Variants in RFFL observed in about 807,000 individuals in gnomAD.
RFFL encodes the protein ring finger and FYVE like domain containing E3 ubiquitin protein ligase.
RFFL carries 16 observed loss-of-function variants against 40.4 expected under a neutral mutation model. The ratio of observed to expected loss-of-function variants is 0.40; its 90% CI spans 0.27 to 0.60. The LOEUF is 0.60. Ranked by LOEUF, RFFL falls within the 20% of genes least tolerant of loss-of-function variation. The probability of loss-of-function intolerance (pLI) is 0.47; values close to 1 mark genes in which losing one functional copy is unlikely to be tolerated. For synonymous variants in RFFL, 154 were observed against 167.9 expected (o/e 0.92, Z 0.64); for missense variants, 367 against 451.7 (o/e 0.81, Z 1.70).
chr17:35,023,055 C>T (rs1419409525), intron 2 of RFFL, among the ~76,000 whole-genome samples: 1 of 152,230 alleles, frequency 6.6e-6, no homozygotes, highest in African/African-American at 2.4e-5. Flanking sequence ...AAGAGCATGT[C>T]ACATCCCCAA....
chr17:35,008,664 C>T lies in RFFL; in HGVS notation c.*3304G>A, dbSNP rs1216704945. The T allele has an allele frequency of 1.3e-5, 2 of 152,100 alleles. No homozygotes were observed. The highest frequency in any genetic ancestry group is 2.9e-5 in the Non-Finnish European group (2 of 68,054). The allele number at this position is 152,100 out of a possible 1,614,324, so 9.4% of individuals were successfully genotyped here. ...TTTTGTTTTTTGAGACAGAGTCTCGCTCTTTCGCCCAGGCCGGACTGCAGT... is the reference window on the plus strand; with the variant it reads ...TTTTGTTTTTTGAGACAGAGTCTCGTTCTTTCGCCCAGGCCGGACTGCAGT... On this transcript the variant is annotated 3_prime_UTR_variant, in exon 7 of 7. Coordinates refer to ENST00000394597, the MANE Select transcript of RFFL (RefSeq NM_001017368.2).
intron 6 of RFFL, among the ~76,000 whole-genome samples, chr17:35,013,585 A>G (rs1183329024): frequency 6.6e-6 from 1 of 152,186 alleles, no homozygotes; most frequent in East Asian, 1.9e-4. Context: ...AAAGTCAAGA[A>G]ATACTTCCCC....
At chr17:35,017,406 T>G in intron 4 of RFFL, 117 bp downstream of exon 4, 1 of 701,970 alleles carries the variant, frequency 1.4e-6, no homozygotes. Context: ...AAAAATATAA[T>G]TTCGGAAGCA....
Position 35,026,455 on chromosome 17 carries a change from C to A in RFFL, c.99G>T (p.Gly33=). Residue 33 remains glycine, a synonymous_variant, in exon 2 of 7, where the codon GGG becomes GGT. Transcript: ENST00000394597. ...CTGTTGGGGAAGGGAAGGAGCTGTA[C>A]CCAGGGTTGGAATAGGCCTGCATCC... is the stretch of plus-strand genomic sequence containing the variant. The part of the protein sequence containing the change: ...GARMQAYSNP[G]YSSFPSPTGL... 4 of 1,613,854 alleles carry A rather than the reference C, an allele frequency of 2.5e-6. No homozygotes were observed. Among genetic ancestry groups the A allele is most frequent in the Non-Finnish European group, 3.4e-6 (4 of 1,179,888 alleles).
chr17:35,041,137 C>T (rs913986559), intron 1 of RFFL, among the ~76,000 whole-genome samples: 2 of 152,008 alleles, frequency 1.3e-5, no homozygotes, highest in Non-Finnish European at 2.9e-5. Flanking sequence ...AGAATAGAAA[C>T]CCCATGAGGG....
intron 1 of RFFL, among the ~76,000 whole-genome samples, chr17:35,034,692 A>C (rs1272796335): frequency 6.6e-6 from 1 of 151,778 alleles, no homozygotes; most frequent in Non-Finnish European, 1.5e-5. Flanking sequence ...CACCCAGCTT[A>C]TTTTTGTATT....
Position 35,062,127 on chromosome 17 carries a change from G to A in RFFL, c.-9+1449C>T, listed in dbSNP as rs147603434. On this transcript the variant is annotated intron_variant, in intron 1 of 6. Coordinates refer to ENST00000394597, the MANE Select transcript of RFFL (RefSeq NM_001017368.2). ...GAGCATAAAAAGAATGAACAAGGCCGGGCGCGGTGGCTCACACCTGTAAAC... is the reference window on the plus strand; with the variant it reads ...GAGCATAAAAAGAATGAACAAGGCCAGGCGCGGTGGCTCACACCTGTAAAC... Among the ~76,000 whole-genome samples, 753 of 152,162 alleles carry A rather than the reference G, an allele frequency of 4.9e-3. 5 individuals are homozygous for A. Among genetic ancestry groups the A allele is most frequent in the African/African-American group, 0.016 (662 of 41,504 alleles).
chr17:35,084,819 C>T (rs2091421368), intron 1 of RFFL, among the ~76,000 whole-genome samples: 1 of 151,528 alleles, frequency 6.6e-6, no homozygotes, highest in Admixed American at 6.6e-5. Flanking sequence ...TTGCTTGAAC[C>T]CAGGAGACAG....
In RFFL at chr17:35,010,059, G is replaced by C. The variant is rs923100236; in HGVS notation, c.*1909C>G. 4.6e-5 allele frequency: 7 copies of C among 152,480 alleles called. No individual in the cohort carries two copies. The highest frequency in any genetic ancestry group is 4.6e-4 in the Admixed American group (7 of 15,290). 9.4% of individuals were successfully genotyped at this position (152,480 alleles called of 1,614,324 possible). ...AGGACTTTGTATAACATTGAGGTAA[G>C]TGGCCCAGTGTTCAGTTGACTAGTT... On this transcript the variant is annotated 3_prime_UTR_variant, in exon 7 of 7. Coordinates refer to ENST00000394597, the MANE Select transcript of RFFL (RefSeq NM_001017368.2).
intron 1 of RFFL, among the ~76,000 whole-genome samples, chr17:35,055,782 T>A (rs2339122): frequency 0.37 from 56,129 of 151,698 alleles, 11,964 homozygotes; most frequent in Non-Finnish European, 0.47. Flanking sequence ...ACCATTTGCA[T>A]CCCTATTGTT....
chr17:35,059,282 G>C (rs781526932), intron 1 of RFFL, among the ~76,000 whole-genome samples: 2 of 152,074 alleles, frequency 1.3e-5, no homozygotes, highest in Non-Finnish European at 2.9e-5. Context: ...GCCTCCCAAA[G>C]TGCTGAGATT....
chr17:35,022,860 GCA>G (rs1042902117), intron 2 of RFFL, among the ~76,000 whole-genome samples: 2 of 152,248 alleles, frequency 1.3e-5, no homozygotes, highest in African/African-American at 4.8e-5. Context: ...GTTCCTGAAA[GCA>G]CAGAGTGTCT....
chr17:35,016,540 G>A lies in RFFL; in HGVS notation c.716C>T (p.Ala239Val), dbSNP rs2090974564. 1 of 1,614,008 alleles carries A rather than the reference G, an allele frequency of 6.2e-7. No individual in the cohort carries two copies. Among genetic ancestry groups the A allele is most frequent in the African/African-American group, 1.3e-5 (1 of 74,904 alleles). ...SEDSFVPGRR[A>V]SLSDLTDLED... Reference sequence around the variant, plus strand: ...CAGGTCAGTCAGGTCAGACAGAGAGGCCCTTCGGCCTGGGACAAAGCTGTC... The same window carrying A: ...CAGGTCAGTCAGGTCAGACAGAGAGACCCTTCGGCCTGGGACAAAGCTGTC... The change falls in exon 5 of 7, where the codon GCC (alanine) becomes GTC (valine). Residue 239 changes from alanine to valine, a missense_variant. By Grantham distance (64) the Ala-to-Val change is moderately conservative (BLOSUM62 0). Coordinates refer to ENST00000394597, the MANE Select transcript of RFFL (RefSeq NM_001017368.2).
At chr17:35,047,657 C>CA (rs2091207440) in intron 1 of RFFL, among the ~76,000 whole-genome samples, 1 of 152,018 alleles carries the variant, frequency 6.6e-6, no homozygotes, top group South Asian at 2.1e-4. Flanking sequence ...GGCATGGTCT[C>CA]ACTCACTGCA....
chr17:35,064,878 TAA>T (rs970945400), upstream of RFFL, among the ~76,000 whole-genome samples: 1 of 152,222 alleles, frequency 6.6e-6, no homozygotes, highest in Non-Finnish European at 1.5e-5. Flanking sequence ...GGGCTAGTTT[TAA>T]AAAGTTATTT....
Position 35,026,403 on chromosome 17 carries a change from C to T in RFFL, c.151G>A (p.Gly51Arg). 6.2e-7 allele frequency: 1 copy of T among 1,613,966 alleles called. No homozygotes were observed. The highest frequency in any genetic ancestry group is 8.5e-7 in the Non-Finnish European group (1 of 1,179,952). Reference protein sequence around the residue: ...TGLEPSCKSCGAHFANTARKQ... With the variant: ...TGLEPSCKSCRAHFANTARKQ... ...CTGGCCGTGTTTGCAAAGTGAGCCC[C>T]ACAGGACTTGCAGCTTGGTTCCAAG... Residue 51 changes from glycine to arginine, a missense_variant, in exon 2 of 7, where the codon GGG (glycine) becomes AGG (arginine). By Grantham distance (125) the Gly-to-Arg change is moderately radical. Transcript: ENST00000394597.
Position 35,014,514 on chromosome 17 carries a change from A to C in RFFL, c.910+226T>G, listed in dbSNP as rs192646966. On this transcript the variant is annotated intron_variant, in intron 6 of 6. Coordinates refer to ENST00000394597, the MANE Select transcript of RFFL (RefSeq NM_001017368.2). Reference sequence around the variant, plus strand: ...GCTCAGGTAGCCCAGGGACATGCACATCAGTCAGTCCGCCCCTACGTATGC... The same window carrying C: ...GCTCAGGTAGCCCAGGGACATGCACCTCAGTCAGTCCGCCCCTACGTATGC... Among the ~76,000 whole-genome samples the C allele has an allele frequency of 9.2e-5, 14 of 152,244 alleles. No homozygotes were observed. The East Asian group carries it at 2.3e-3, about 25-fold the overall frequency.
chr17:35,070,926 G>T (rs2091345405), intron 1 of RFFL, among the ~76,000 whole-genome samples: 1 of 152,232 alleles, frequency 6.6e-6, no homozygotes, highest in Admixed American at 6.5e-5. Context: ...GCCAGGCACG[G>T]TGGCCCATGC....
intron 1 of RFFL, among the ~76,000 whole-genome samples, chr17:35,037,803 C>T (rs1258633772): frequency 6.6e-6 from 1 of 152,150 alleles, no homozygotes; most frequent in Non-Finnish European, 1.5e-5. Flanking sequence ...TGTGGCCCAT[C>T]CCCTCTGAGC....
Sources: gnomAD v4.1 joint callset for allele counts (sites outside exome capture counted in the v4.1 genomes callset) on GRCh38, gnomAD v4.1.1 for gene constraint, MANE v1.5 for transcripts, NCBI Gene and HGNC (gene_info 2026-07-23, HGNC 2026-07-21) for gene names.